The following DCLK1 variants were observed in gnomAD, a reference collection of about 807,000 sequenced individuals.
The protein encoded by DCLK1 is serine/threonine-protein kinase DCLK1.
A neutral mutation model predicts 86.2 loss-of-function variants in DCLK1; 16 were observed. The observed-to-expected ratio is 0.19, with a 90% CI of 0.13 to 0.28. The LOEUF (loss-of-function observed/expected upper bound fraction) is 0.28. Among genes scored for constraint, DCLK1 ranks in the 10% least tolerant of loss-of-function variants. The probability of loss-of-function intolerance (pLI) is 1.00; values close to 1 mark genes in which losing one functional copy is unlikely to be tolerated. For missense variants in DCLK1, 590 were observed against 940.2 expected (o/e 0.63, Z 4.87); for synonymous variants, 369 against 370.5 (o/e 1.00, Z 0.05).
chr13:36,122,708 T>C (rs933925967), intron 2 of DCLK1, among the ~76,000 whole-genome samples: 1 of 152,202 alleles, frequency 6.6e-6, no homozygotes, highest in Non-Finnish European at 1.5e-5. Flanking sequence ...CATCATGATT[T>C]TTTTAAAAAA....
intron 8 of DCLK1, among the ~76,000 whole-genome samples, chr13:35,832,669 G>A (rs149845321): frequency 3.3e-5 from 5 of 152,252 alleles, no homozygotes; most frequent in East Asian, 1.9e-4. Flanking sequence ...GTAACACACC[G>A]TTTGTTTACC....
At chr13:35,938,832 T>C (rs1876917562) in intron 4 of DCLK1, among the ~76,000 whole-genome samples, 1 of 152,064 alleles carries the variant, frequency 6.6e-6, no homozygotes, top group African/African-American at 2.4e-5. Context: ...TTTGTAGGGT[T>C]TTCCACATCA....
At chr13:35,915,692 A>G (rs1003356281) in intron 4 of DCLK1, among the ~76,000 whole-genome samples, 8 of 152,112 alleles carry the variant, frequency 5.3e-5, no homozygotes, top group Admixed American at 5.2e-4. Flanking sequence ...TGACCCTGAG[A>G]CCCCACCTCA....
chr13:35,780,096 A>G (rs2086499234), intron 16 of DCLK1, among the ~76,000 whole-genome samples: 4 of 151,816 alleles, frequency 2.6e-5, no homozygotes. Context: ...CTATTTTTTT[A>G]GGCAGGGGAG....
intron 3 of DCLK1, among the ~76,000 whole-genome samples, chr13:36,045,377 T>TATATATATATCTATATATCTATATATAC (rs568110221): frequency 3.2e-5 from 4 of 125,080 alleles, no homozygotes; most frequent in Admixed American, 8.8e-5. Context: ...TATATATATA[T>TATATATATATCTATATATCTATATATAC]TTCAAGGTAA....
intron 4 of DCLK1, among the ~76,000 whole-genome samples, chr13:35,929,700 T>C (rs1876318163): frequency 6.6e-6 from 1 of 152,210 alleles, no homozygotes. Flanking sequence ...GCCACTTTTC[T>C]TCAGCTGTGT....
rs1364421803 is a variant in DCLK1, at chr13:35,963,705, C to T, written c.724-16248G>A. Among the ~76,000 whole-genome samples the T allele has an allele frequency of 2.6e-5, 4 of 152,176 alleles. No homozygotes were observed. The East Asian group carries it at 7.7e-4, about 29-fold the overall frequency. On this transcript the variant is annotated intron_variant, in intron 3 of 16. Transcript: ENST00000360631. ...AATGATTGGATTATGGGGGTGGTTT[C>T]CCCCATGCTGTTCTCGTGATAGTGA...
At chr13:35,844,609 A>G (rs1165319014) in intron 6 of DCLK1, among the ~76,000 whole-genome samples, 1 of 152,200 alleles carries the variant, frequency 6.6e-6, no homozygotes, top group Non-Finnish European at 1.5e-5. Flanking sequence ...TTTCCTCTGG[A>G]TAGAATAATT....
At position 35,848,997 on chromosome 13, in the gene DCLK1, T is replaced by C. The variant is rs1343143845; in HGVS notation, c.1035+5502A>G. 7.1e-6 allele frequency: 7 copies of C among 985,210 alleles called. No homozygotes were observed. The African/African-American group carries it at 1.0e-4, about 15-fold the overall frequency. The allele number at this position is 985,210 out of a possible 1,614,324, so 61.0% of individuals were successfully genotyped here. A position where few individuals can be genotyped will look rare whatever the true frequency, so the allele number is the denominator to read the frequency against. ...TTTAAAACCTGAAGTCTGGAACAGGTATTATTATGAACTGTTCTTTCAAGA... is the reference window on the plus strand; with the variant it reads ...TTTAAAACCTGAAGTCTGGAACAGGCATTATTATGAACTGTTCTTTCAAGA... On this transcript the variant is annotated intron_variant, in intron 6 of 16. Transcript: ENST00000360631.
intron 3 of DCLK1, among the ~76,000 whole-genome samples, chr13:35,975,514 T>C (rs1357962768): frequency 6.6e-6 from 1 of 151,980 alleles, no homozygotes; most frequent in African/African-American, 2.4e-5. Context: ...TTCCACCAGC[T>C]CCAAGGTGAG....
intron 4 of DCLK1, among the ~76,000 whole-genome samples, chr13:35,875,614 T>C (rs1048947753): frequency 2.0e-5 from 3 of 152,212 alleles, no homozygotes; most frequent in African/African-American, 4.8e-5. Context: ...TTGGAAAAAC[T>C]TGTGGCCTCT....
chr13:36,110,692 C>G (rs1885580617), intron 3 of DCLK1, among the ~76,000 whole-genome samples: 1 of 151,814 alleles, frequency 6.6e-6, no homozygotes, highest in African/African-American at 2.4e-5. Flanking sequence ...TCAAATTATC[C>G]CTCAAAAAAA....
At chr13:35,778,576 A>G (rs1312078757) in intron 16 of DCLK1, among the ~76,000 whole-genome samples, 1 of 152,164 alleles carries the variant, frequency 6.6e-6, no homozygotes, top group African/African-American at 2.4e-5. Flanking sequence ...TGAATGGCCC[A>G]AGATGGGCAC....
intron 3 of DCLK1, among the ~76,000 whole-genome samples, chr13:36,066,960 G>A (rs1301768260): frequency 3.4e-5 from 5 of 147,896 alleles, no homozygotes; most frequent in African/African-American, 1.2e-4. Context: ...ACTGTTGGTG[G>A]GACTGTAAAC....
chr13:36,095,808 A>G (rs962824573), intron 3 of DCLK1, among the ~76,000 whole-genome samples: 8 of 152,184 alleles, frequency 5.3e-5, no homozygotes, highest in African/African-American at 1.7e-4. Flanking sequence ...TTTAAGAGCC[A>G]TTGTTGTAGA....
intron 3 of DCLK1, among the ~76,000 whole-genome samples, chr13:36,002,098 A>C (rs1880747361): frequency 6.6e-6 from 1 of 152,184 alleles, no homozygotes; most frequent in Non-Finnish European, 1.5e-5. Flanking sequence ...AAAAATAGCC[A>C]ATTTTTATCC....
chr13:36,101,150 G>A (rs1263824391), intron 3 of DCLK1, among the ~76,000 whole-genome samples: 1 of 152,176 alleles, frequency 6.6e-6, no homozygotes, highest in Non-Finnish European at 1.5e-5. Flanking sequence ...TTCAGTTTGT[G>A]CAGCGTATTG....
rs557147975 is a variant in DCLK1 at position 35,895,911 on chromosome 13, A to G, written c.824-24571T>C. 5.0e-5 allele frequency among the ~76,000 whole-genome samples: 7 copies of G among 140,914 alleles called. No homozygotes were observed. The South Asian group carries it at 1.7e-3, about 34-fold the overall frequency. The allele number at this position is 140,914 out of a possible 152,430, so 92.4% of individuals were successfully genotyped here. A position where few individuals can be genotyped will look rare whatever the true frequency, so the allele number is the denominator to read the frequency against. On this transcript the variant is annotated intron_variant, in intron 4 of 16. Transcript: ENST00000360631. ...CAATATCAAATTTTTAAAAAATTCT[A>G]CAAACGCCAGATTGATTTTTTTATG...
intron 3 of DCLK1, among the ~76,000 whole-genome samples, chr13:36,062,031 T>C (rs1883567861): frequency 6.6e-6 from 1 of 152,226 alleles, no homozygotes; most frequent in African/African-American, 2.4e-5. Flanking sequence ...ACAATTCTGT[T>C]TGACTTCTGG....
Sources: gnomAD v4.1 joint callset for allele counts (sites outside exome capture counted in the v4.1 genomes callset) on GRCh38, gnomAD v4.1.1 for gene constraint, MANE v1.5 for transcripts, NCBI Gene and HGNC (gene_info 2026-07-23, HGNC 2026-07-21) for gene names.